THSD7A: variants seen among roughly 807,000 people sequenced by gnomAD.
THSD7A encodes the protein thrombospondin type 1 domain containing 7A, also known as thrombospondin type-1 domain-containing protein 7A.
A neutral mutation model predicts 231.3 loss-of-function variants in THSD7A; 96 were observed. The observed-to-expected ratio is 0.41, with a 90% CI of 0.35 to 0.49. The LOEUF (loss-of-function observed/expected upper bound fraction) is 0.49. THSD7A is among the 20% of genes least tolerant of loss of function. The pLI, the probability that THSD7A is intolerant of heterozygous loss-of-function variation, is 0.05. For missense variants in THSD7A, 2,290 were observed against 2,070.2 expected (o/e 1.11, Z -2.06); for synonymous variants, 940 against 743.3 (o/e 1.26, Z -4.30).
At chr7:11,389,479 A>G (rs1583653840) in intron 23 of THSD7A, among the ~76,000 whole-genome samples, 2 of 91,496 alleles carry the variant, frequency 2.2e-5, no homozygotes, top group East Asian at 6.5e-4. Context: ...CTTGGTAAAT[A>G]TCCCTCCATC....
intron 4 of THSD7A, among the ~76,000 whole-genome samples, chr7:11,568,927 A>G (rs1790498116): frequency 6.6e-6 from 1 of 151,716 alleles, no homozygotes; most frequent in Non-Finnish European, 1.5e-5. Flanking sequence ...GCTTTTCTAT[A>G]CATCAAAATG....
intron 2 of THSD7A, among the ~76,000 whole-genome samples, chr7:11,610,995 C>A (rs1584078085): frequency 2.6e-5 from 4 of 152,122 alleles, no homozygotes; most frequent in African/African-American, 9.7e-5. Context: ...CAGCCAGATT[C>A]TCTATTTAAA....
chr7:11,673,689 C>A (rs560729319), intron 1 of THSD7A, among the ~76,000 whole-genome samples: 3 of 152,262 alleles, frequency 2.0e-5, no homozygotes, highest in Admixed American at 1.3e-4. Flanking sequence ...GGCATGGGAG[C>A]AGGATGCTCC....
chr7:11,439,700 T>C (rs1784742770), intron 13 of THSD7A, among the ~76,000 whole-genome samples: 1 of 152,016 alleles, frequency 6.6e-6, no homozygotes, highest in Non-Finnish European at 1.5e-5. Context: ...CAAGATCCTA[T>C]CTTCAGCTCT....
At position 11,373,077 on chromosome 7, in the gene THSD7A, G is replaced by GTATATATATA. The variant is rs71550888; in HGVS notation, c.*2707_*2716dup. 6.7e-6 allele frequency: 1 copy of GTATATATATA among 149,552 alleles called. No individual in the cohort carries two copies. Among genetic ancestry groups the GTATATATATA allele is most frequent in the African/African-American group, 2.5e-5 (1 of 40,662 alleles). 9.3% of individuals were successfully genotyped at this position (149,552 alleles called of 1,614,324 possible). A position where few individuals can be genotyped will look rare whatever the true frequency, so the allele number is the denominator to read the frequency against. On this transcript the variant is annotated 3_prime_UTR_variant, in exon 28 of 28. Coordinates refer to ENST00000423059, the MANE Select transcript of THSD7A (RefSeq NM_015204.3). ...TATATGGGTGTGTGTGTGTGTGTGT[G>GTATATATATA]TATATATATATATGCATGCATATAT...
At chr7:11,797,041 T>C (rs1024770150) in intron 1 of THSD7A, among the ~76,000 whole-genome samples, 1 of 152,174 alleles carries the variant, frequency 6.6e-6, no homozygotes, top group Non-Finnish European at 1.5e-5. Context: ...GATAACATTA[T>C]TTGGGGAAAC....
chr7:11,534,585 G>A (rs938923150), intron 6 of THSD7A, among the ~76,000 whole-genome samples: 4 of 152,122 alleles, frequency 2.6e-5, no homozygotes, highest in African/African-American at 9.7e-5. Context: ...AAGCACTTCT[G>A]CATTCTCATG....
At chr7:11,502,409 C>A (rs1006345720) in intron 6 of THSD7A, among the ~76,000 whole-genome samples, 3 of 152,132 alleles carry the variant, frequency 2.0e-5, no homozygotes, top group African/African-American at 4.8e-5. Context: ...CAAACCAAAT[C>A]CAGCAGCACG....
chr7:11,668,491 G>GAA (rs145466738), intron 1 of THSD7A, among the ~76,000 whole-genome samples: 1 of 34,272 alleles, frequency 2.9e-5, no homozygotes, highest in Non-Finnish European at 6.5e-5. Flanking sequence ...CAGAAAGAAA[G>GAA]AGAGAGAGAG....
At chr7:11,593,998 G>T (rs1397460074) in intron 2 of THSD7A, among the ~76,000 whole-genome samples, 3 of 152,168 alleles carry the variant, frequency 2.0e-5, no homozygotes, top group African/African-American at 7.2e-5. Flanking sequence ...ATTAACATTT[G>T]AGTCACTGGC....
intron 4 of THSD7A, among the ~76,000 whole-genome samples, chr7:11,549,789 G>C (rs564114542): frequency 2.0e-5 from 3 of 152,136 alleles, no homozygotes; most frequent in Admixed American, 1.3e-4. Flanking sequence ...GTTGGGGGGA[G>C]CATCAGGAAA....
At chr7:11,628,805 G>C (rs1781557440) in intron 2 of THSD7A, among the ~76,000 whole-genome samples, 1 of 152,164 alleles carries the variant, frequency 6.6e-6, no homozygotes, top group Non-Finnish European at 1.5e-5. Flanking sequence ...GCAGTTCTCT[G>C]GTTCTGACAC....
intron 1 of THSD7A, among the ~76,000 whole-genome samples, chr7:11,795,865 T>C (rs1015039839): frequency 7.3e-5 from 11 of 151,538 alleles, no homozygotes; most frequent in African/African-American, 2.4e-4. Flanking sequence ...AGCAAACAAC[T>C]AAGCAAAAAT....
At position 11,400,442 on chromosome 7, in the gene THSD7A, C is replaced by T. The variant is rs556776771; in HGVS notation, c.4411+1353G>A. Among the ~76,000 whole-genome samples the T allele has an allele frequency of 5.7e-4, 86 of 152,178 alleles. 1 individual carries two copies. Among genetic ancestry groups the T allele is most frequent in the African/African-American group, 1.3e-3 (52 of 41,528 alleles). Reference sequence around the variant, plus strand: ...TTTGCTGCATCCCATATAACATTTGCTGGATAATGCTTTAGAGGTATGATT... The same window carrying T: ...TTTGCTGCATCCCATATAACATTTGTTGGATAATGCTTTAGAGGTATGATT... On this transcript the variant is annotated intron_variant, in intron 23 of 27. Transcript: ENST00000423059.
At chr7:11,451,106 A>G (rs1404790960) in intron 11 of THSD7A, among the ~76,000 whole-genome samples, 1 of 152,048 alleles carries the variant, frequency 6.6e-6, no homozygotes, top group East Asian at 1.9e-4. Flanking sequence ...AGCTTAGCCC[A>G]TCAATATTGG....
At chr7:11,404,697 G>T (rs948410219) in intron 22 of THSD7A, among the ~76,000 whole-genome samples, 1 of 152,118 alleles carries the variant, frequency 6.6e-6, no homozygotes, top group Admixed American at 6.6e-5. Context: ...GTTGTTGGCA[G>T]CAACACTTTG....
At chr7:11,473,388 C>G (rs1032008300) in intron 8 of THSD7A, among the ~76,000 whole-genome samples, 4 of 152,088 alleles carry the variant, frequency 2.6e-5, no homozygotes, top group Non-Finnish European at 5.9e-5. Flanking sequence ...ACTGCAAAAA[C>G]TGTTGGCCAG....
intron 4 of THSD7A, among the ~76,000 whole-genome samples, chr7:11,558,340 T>C (rs1242138129): frequency 6.6e-6 from 1 of 152,172 alleles, no homozygotes; most frequent in Non-Finnish European, 1.5e-5. Flanking sequence ...CTGTGTCTTA[T>C]TTTAAAAATA....
At chr7:11,705,135 C>G (rs943166250) in intron 1 of THSD7A, among the ~76,000 whole-genome samples, 20 of 150,964 alleles carry the variant, frequency 1.3e-4, no homozygotes, top group African/African-American at 4.8e-4. Context: ...TTGAAAGTAT[C>G]TGTCATTGTT....
Sources: gnomAD v4.1 joint callset for allele counts (sites outside exome capture counted in the v4.1 genomes callset) on GRCh38, gnomAD v4.1.1 for gene constraint, MANE v1.5 for transcripts, NCBI Gene and HGNC (gene_info 2026-07-23, HGNC 2026-07-21) for gene names.